Variants in UMAD1 observed in about 807,000 individuals in gnomAD.
The protein encoded by UMAD1 is UBAP1-MVB12-associated (UMA)-domain containing protein 1.
A neutral mutation model predicts 6.1 loss-of-function variants in UMAD1; 8 were observed. That is an observed-to-expected ratio of 1.30 (90% confidence interval 0.76 to 2.35). The LOEUF is 2.35. Among genes scored for constraint, UMAD1 ranks in the 30% most tolerant of loss-of-function variants. UMAD1 has a pLI of 0.00. For synonymous variants in UMAD1, 56 were observed against 31.4 expected (o/e 1.78, Z -2.61); for missense variants, 130 against 78.4 (o/e 1.66, Z -2.49).
At chr7:7,772,939 C>G (rs1046770329) in intron 2 of UMAD1, among the ~76,000 whole-genome samples, 3 of 137,948 alleles carry the variant, frequency 2.2e-5, no homozygotes, top group African/African-American at 7.4e-5. Context: ...TAAATTTATT[C>G]ATTTTTTTCT....
At chr7:7,805,136 T>A (rs1782886951) in intron 3 of UMAD1, among the ~76,000 whole-genome samples, 1 of 152,180 alleles carries the variant, frequency 6.6e-6, no homozygotes, top group South Asian at 2.1e-4. Flanking sequence ...TCCTAAAATA[T>A]GTCTCTACCT....
At chr7:7,786,917 C>T (rs1782472131) in intron 2 of UMAD1, among the ~76,000 whole-genome samples, 1 of 152,184 alleles carries the variant, frequency 6.6e-6, no homozygotes, top group Admixed American at 6.5e-5. Flanking sequence ...AGTGAAGCCG[C>T]TACTCTTAGA....
rs868711839 is a variant in UMAD1, at chr7:7,702,453, G to T, written c.82+29000G>T. Among the ~76,000 whole-genome samples the T allele has an allele frequency of 7.9e-5, 12 of 152,054 alleles. 1 individual carries two copies. The highest frequency in any genetic ancestry group is 2.1e-4 in the South Asian group (1 of 4,820). On this transcript the variant is annotated intron_variant, in intron 2 of 3. Transcript: ENST00000682710. ...TAATACGAAAATTCTGGTTGGGGAG[G>T]CAGGAAACCTGGCTTTCAAGTACAC...
At chr7:7,698,500 T>C (rs1780371151) in intron 2 of UMAD1, among the ~76,000 whole-genome samples, 1 of 152,210 alleles carries the variant, frequency 6.6e-6, no homozygotes, top group Admixed American at 6.5e-5. Flanking sequence ...TTTAACAAAA[T>C]GTGTTTGAGG....
At chr7:7,810,811 G>C (rs1386963280) in intron 3 of UMAD1, among the ~76,000 whole-genome samples, 5 of 152,192 alleles carry the variant, frequency 3.3e-5, no homozygotes, top group African/African-American at 1.2e-4. Context: ...GGTCTGTTGA[G>C]AATGATCATG....
rs1780368612 is a variant in UMAD1, at chr7:7,698,403, AT to A, written c.82+24952del. On this transcript the variant is annotated intron_variant, in intron 2 of 3. Transcript: ENST00000682710. ...TTCAACCAAACTGGTAGAAGTTTTG[AT>A]TGAGAAGTAGCTGTAAGTTGACTTT... Among the ~76,000 whole-genome samples, 2 of 152,206 alleles carry A rather than the reference AT, an allele frequency of 1.3e-5. 1 individual carries two copies. The highest frequency in any genetic ancestry group is 4.1e-4 in the South Asian group (2 of 4,832).
At chr7:7,870,280 C>G (rs951582334) in intron 3 of UMAD1, among the ~76,000 whole-genome samples, 2 of 151,840 alleles carry the variant, frequency 1.3e-5, no homozygotes, top group South Asian at 4.2e-4. Context: ...TAAGGGCAAC[C>G]GCTAATAATT....
At chr7:7,875,998 G>A (rs1004599269) in intron 3 of UMAD1, among the ~76,000 whole-genome samples, 1 of 152,188 alleles carries the variant, frequency 6.6e-6, no homozygotes, top group Non-Finnish European at 1.5e-5. Context: ...AGGATACAGT[G>A]AGCCAGGATC....
At chr7:7,844,588 A>G (rs1563253187) in intron 3 of UMAD1, among the ~76,000 whole-genome samples, 1 of 152,096 alleles carries the variant, frequency 6.6e-6, no homozygotes, top group Non-Finnish European at 1.5e-5. Flanking sequence ...CTTTTGTATG[A>G]CTTCACCTAA....
chr7:7,660,862 GAGA>G (rs1000754142), intron 1 of UMAD1, among the ~76,000 whole-genome samples: 1 of 152,172 alleles, frequency 6.6e-6, no homozygotes, highest in African/African-American at 2.4e-5. Context: ...TGCTAGGTTG[GAGA>G]AGTTCTCCTG....
intron 2 of UMAD1, among the ~76,000 whole-genome samples, chr7:7,680,648 A>T (rs1779886048): frequency 6.6e-6 from 1 of 152,040 alleles, no homozygotes; most frequent in Admixed American, 6.6e-5. Flanking sequence ...CATTTTAACA[A>T]TACTGATTCT....
intron 2 of UMAD1, among the ~76,000 whole-genome samples, chr7:7,768,137 A>G (rs1782030194): frequency 6.6e-6 from 1 of 152,096 alleles, no homozygotes; most frequent in Admixed American, 6.5e-5. Flanking sequence ...ATTAATTAAT[A>G]TTATGATTTG....
chr7:7,758,857 CCCACCCTGTTAGAGA>C (rs879279082), intron 2 of UMAD1, among the ~76,000 whole-genome samples: 1 of 152,168 alleles, frequency 6.6e-6, no homozygotes, highest in African/African-American at 2.4e-5. Flanking sequence ...TCTCTCTCTC[CCCACCCTGTTAGAGA>C]CAATACTGCC....
chr7:7,777,704 A>G (rs1394237848), intron 2 of UMAD1, among the ~76,000 whole-genome samples: 1 of 151,522 alleles, frequency 6.6e-6, no homozygotes, highest in Non-Finnish European at 1.5e-5. Context: ...TTGAGACAAA[A>G]TATTTAGCAT....
At chr7:7,746,437 C>G (rs1314127374) in intron 2 of UMAD1, among the ~76,000 whole-genome samples, 3 of 152,170 alleles carry the variant, frequency 2.0e-5, no homozygotes, top group Non-Finnish European at 4.4e-5. Context: ...TCTCTTATCC[C>G]CAGCCTTTTC....
At position 7,842,657 on chromosome 7, in the gene UMAD1, G is replaced by T. The variant is rs546908208; in HGVS notation, c.157-34624G>T. Among the ~76,000 whole-genome samples, 306 of 150,300 alleles carry T rather than the reference G, an allele frequency of 2.0e-3. 1 individual carries two copies. The highest frequency in any genetic ancestry group is 7.3e-3 in the African/African-American group (299 of 40,998). On this transcript the variant is annotated intron_variant, in intron 3 of 3. Transcript: ENST00000682710. ...CTAATATGGGTATTTCACTAAGAAA[G>T]CTTATTATCTGAAGAAAGCTATTAT...
At chr7:7,836,510 C>T (rs931021046) in intron 3 of UMAD1, among the ~76,000 whole-genome samples, 2 of 151,786 alleles carry the variant, frequency 1.3e-5, no homozygotes, top group Non-Finnish European at 2.9e-5. Flanking sequence ...AGGTGTGTCT[C>T]AAGGCCAAGT....
chr7:7,703,798 G>A (rs1350042552), intron 2 of UMAD1, among the ~76,000 whole-genome samples: 4 of 152,064 alleles, frequency 2.6e-5, no homozygotes, highest in African/African-American at 9.7e-5. Flanking sequence ...AATTAGCCAG[G>A]TAATGTGGTG....
At chr7:7,685,800 C>G (rs1415479112) in intron 2 of UMAD1, 2 of 152,158 alleles carry the variant, frequency 1.3e-5, no homozygotes, top group Non-Finnish European at 2.9e-5. Flanking sequence ...TTTCTTCCTT[C>G]ATTATATCAT....
Sources: gnomAD v4.1 joint callset for allele counts (sites outside exome capture counted in the v4.1 genomes callset) on GRCh38, gnomAD v4.1.1 for gene constraint, MANE v1.5 for transcripts, NCBI Gene and HGNC (gene_info 2026-07-23, HGNC 2026-07-21) for gene names.